The following PDK1 variants were observed in gnomAD, a reference collection of about 807,000 sequenced individuals.
PDK1 encodes the protein [Pyruvate dehydrogenase (acetyl-transferring)] kinase isozyme 1, mitochondrial.
A neutral mutation model predicts 54.2 loss-of-function variants in PDK1; 39 were observed. The observed-to-expected ratio is 0.72, with a 90% CI of 0.56 to 0.94. The LOEUF (loss-of-function observed/expected upper bound fraction) is 0.94. Ranked by LOEUF, PDK1 falls within the 40% of genes least tolerant of loss-of-function variation. PDK1 has a pLI of 0.00. For missense variants in PDK1, 552 were observed against 566.0 expected (o/e 0.98, Z 0.25); for synonymous variants, 221 against 207.1 (o/e 1.07, Z -0.58).
chr2:172,640,820 A>G, the PDK1 span, among the ~76,000 whole-genome samples: 4 of 152,164 alleles, frequency 2.6e-5, no homozygotes, highest in African/African-American at 9.7e-5. Flanking sequence ...TAATAGGAGA[A>G]AGGGCATGCA....
At chr2:172,563,956 T>C (rs1469453474) in intron 3 of PDK1, 2 of 463,982 alleles carry the variant, frequency 4.3e-6, no homozygotes, top group Non-Finnish European at 8.9e-6. Flanking sequence ...ATTGTTTACT[T>C]TTCCTCTCCC....
chr2:172,658,373 T>A, the PDK1 span, among the ~76,000 whole-genome samples: 1 of 152,248 alleles, frequency 6.6e-6, no homozygotes, highest in Non-Finnish European at 1.5e-5. Flanking sequence ...AATCCTGTTA[T>A]CTTCGTAAGC....
At chr2:172,564,835 G>T in intron 4 of PDK1, 143 bp from the exon 5 acceptor site, 1 of 848,306 alleles carries the variant, frequency 1.2e-6, no homozygotes, top group Non-Finnish European at 1.9e-6. Flanking sequence ...ATCAAGAAAG[G>T]TGTTTTTATT....
At chr2:172,654,906 A>G in the PDK1 span, among the ~76,000 whole-genome samples, 3 of 152,290 alleles carry the variant, frequency 2.0e-5, no homozygotes, top group East Asian at 1.9e-4. Context: ...GGCAGAGAAG[A>G]CAATACAAGC....
chr2:172,622,027 G>A, the PDK1 span, among the ~76,000 whole-genome samples: 80 of 144,788 alleles, frequency 5.5e-4, no homozygotes, highest in Admixed American at 4.1e-3. Context: ...TTCATATCTC[G>A]TATATACGTT....
Position 172,604,816 on chromosome 2 carries a change from G to T in PDK1, c.*8847G>T, listed in dbSNP as rs1011705745. ...ACTGTTTTGTGCCACAATATGATGT[G>T]GCCAGACTACTTTTCTAGTTTCGAG... On this transcript the variant is annotated 3_prime_UTR_variant, in exon 11 of 11. Transcript: ENST00000282077. 15 of 152,194 alleles carry T rather than the reference G, an allele frequency of 9.9e-5. No individual in the cohort carries two copies. Among genetic ancestry groups the T allele is most frequent in the African/African-American group, 3.6e-4 (15 of 41,430 alleles). 9.4% of individuals were successfully genotyped at this position (152,194 alleles called of 1,614,324 possible). A position where few individuals can be genotyped will look rare whatever the true frequency, so the allele number is the denominator to read the frequency against.
the PDK1 span, among the ~76,000 whole-genome samples, chr2:172,648,842 A>T: frequency 6.6e-6 from 1 of 152,210 alleles, no homozygotes; most frequent in Admixed American, 6.5e-5. Flanking sequence ...AGGAAGCTCG[A>T]ACTGGGTGAA....
At chr2:172,593,187 C>T in intron 10 of PDK1, 139 bp downstream of exon 10, 1 of 464,134 alleles carries the variant, frequency 2.2e-6, no homozygotes, top group Non-Finnish European at 3.9e-6. Flanking sequence ...GGGATCTCAC[C>T]CATTTTGATA....
At chr2:172,555,616 T>A (rs185474907), upstream of PDK1, 1 of 152,334 alleles carries the variant, frequency 6.6e-6, no homozygotes, top group East Asian at 1.9e-4. Flanking sequence ...AGAGGAGCGT[T>A]TCTGGAACGC....
chr2:172,573,630 A>ATG (rs1246754296), intron 8 of PDK1, among the ~76,000 whole-genome samples: 1 of 148,870 alleles, frequency 6.7e-6, no homozygotes, highest in Non-Finnish European at 1.5e-5. Flanking sequence ...TATATATTCT[A>ATG]TGTGTGTGTA....
chr2:172,700,903 C>T, the PDK1 span, among the ~76,000 whole-genome samples: 28,730 of 152,004 alleles, frequency 0.19, 3,295 homozygotes, highest in African/African-American at 0.32. Flanking sequence ...CTCCGCATGC[C>T]GAGGCAGGAG....
Position 172,562,203 on chromosome 2 carries a change from A to G in PDK1, c.339-17A>G, listed in dbSNP as rs369028806. 65 of 1,405,356 alleles carry G rather than the reference A, an allele frequency of 4.6e-5. No homozygotes were observed. The highest frequency in any genetic ancestry group is 3.3e-4 in the Admixed American group (19 of 56,902). The allele number at this position is 1,405,356 out of a possible 1,614,324, so 87.1% of individuals were successfully genotyped here. A position where few individuals can be genotyped will look rare whatever the true frequency, so the allele number is the denominator to read the frequency against. On this transcript the variant is annotated splice_polypyrimidine_tract_variant and intron_variant, in intron 2 of 10. Transcript: ENST00000282077. ...GAATATAAAAGAACAAACTTATCCT[A>G]TTGATCTGCATTTTAGGTATATCCA...
chr2:172,626,949 A>G, the PDK1 span, among the ~76,000 whole-genome samples: 2 of 152,202 alleles, frequency 1.3e-5, no homozygotes, highest in African/African-American at 4.8e-5. Flanking sequence ...TATGAAAGAC[A>G]TACAACATCA....
At chr2:172,584,714 G>A (rs938058118) in intron 8 of PDK1, among the ~76,000 whole-genome samples, 5 of 148,466 alleles carry the variant, frequency 3.4e-5, no homozygotes, top group African/African-American at 5.0e-5. Context: ...GAGTACAGTG[G>A]TGAGATCATA....
the PDK1 span, among the ~76,000 whole-genome samples, chr2:172,705,123 C>T: frequency 6.6e-6 from 1 of 152,150 alleles, no homozygotes; most frequent in African/African-American, 2.4e-5. Flanking sequence ...GGTTGATACA[C>T]TTTGAGCGGG....
At chr2:172,560,969 T>TATA (rs1344748897) in intron 2 of PDK1, among the ~76,000 whole-genome samples, 1 of 152,232 alleles carries the variant, frequency 6.6e-6, no homozygotes, top group Non-Finnish European at 1.5e-5. Flanking sequence ...TTGTAAGCAT[T>TATA]ATAGCGTATG....
Position 172,562,308 on chromosome 2 carries a change from G to T in PDK1, c.410+17G>T. The T allele has an allele frequency of 6.6e-7, 1 of 1,506,960 alleles. No homozygotes were observed. Among genetic ancestry groups the T allele is most frequent in the South Asian group, 1.1e-5 (1 of 86,988 alleles). 93.3% of individuals were successfully genotyped at this position (1,506,960 alleles called of 1,614,324 possible). A position where few individuals can be genotyped will look rare whatever the true frequency, so the allele number is the denominator to read the frequency against. ...TATTTATGAGTAAGTTCACTATTTT[G>T]ACCCTATTCTTAAACCTATTATTAG... is the stretch of plus-strand genomic sequence containing the variant. On this transcript the variant is annotated intron_variant, in intron 3 of 10. Transcript: ENST00000282077.
chr2:172,635,574 C>T, the PDK1 span, among the ~76,000 whole-genome samples: 1 of 152,142 alleles, frequency 6.6e-6, no homozygotes, highest in Non-Finnish European at 1.5e-5. Flanking sequence ...CCTTGGCCTC[C>T]CAAAGTGCCG....
At chr2:172,665,300 C>G in the PDK1 span, among the ~76,000 whole-genome samples, 1 of 152,214 alleles carries the variant, frequency 6.6e-6, no homozygotes, top group Admixed American at 6.5e-5. Flanking sequence ...CCTAGACTTT[C>G]TAGTGTTAAA....
Sources: allele counts gnomAD v4.1 joint callset (sites outside exome capture counted in the v4.1 genomes callset), GRCh38; gene constraint gnomAD v4.1.1; transcripts MANE v1.5; gene names NCBI Gene and HGNC (gene_info 2026-07-23, HGNC 2026-07-21).